The following WDR20 variants were observed in gnomAD, a reference collection of about 807,000 sequenced individuals.
The protein encoded by WDR20 is WD repeat domain 20, also known as WD repeat-containing protein 20.
A neutral mutation model predicts 38.7 loss-of-function variants in WDR20; 3 were observed. That is an observed-to-expected ratio of 0.08 (90% confidence interval 0.04 to 0.20). The LOEUF (loss-of-function observed/expected upper bound fraction) is 0.20, where lower values mean the gene tolerates loss of function less well. WDR20 is among the 10% of genes least tolerant of loss of function. The pLI is 1.00. For missense variants in WDR20, 559 were observed against 727.7 expected (o/e 0.77, Z 2.67); for synonymous variants, 298 against 285.6 (o/e 1.04, Z -0.44).
chr14:102,216,176 A>G (rs1002085058), downstream of WDR20, among the ~76,000 whole-genome samples: 4 of 152,198 alleles, frequency 2.6e-5, no homozygotes, highest in African/African-American at 7.2e-5. Flanking sequence ...GTGCTGAACT[A>G]TCTGCACTTT....
chr14:102,203,521 G>A (rs1443214578), intron 2 of WDR20, among the ~76,000 whole-genome samples: 2 of 152,102 alleles, frequency 1.3e-5, no homozygotes, highest in Non-Finnish European at 2.9e-5. Context: ...CACAGCCTGA[G>A]TCCCAGCTCA....
At chr14:102,164,920 CAATAAATT>C (rs2059457788) in intron 1 of WDR20, among the ~76,000 whole-genome samples, 1 of 152,130 alleles carries the variant, frequency 6.6e-6, no homozygotes, top group Non-Finnish European at 1.5e-5. Flanking sequence ...CTATTTATTG[CAATAAATT>C]AATACAGCAG....
At chr14:102,191,481 T>C (rs1000203485) in intron 1 of WDR20, 3 of 152,084 alleles carry the variant, frequency 2.0e-5, no homozygotes, top group Admixed American at 6.5e-5. Context: ...ACTCAGTGAT[T>C]AATGGAAAGA....
In WDR20 at chr14:102,209,689, A is replaced by G. The variant is rs1567075261; in HGVS notation, c.1519A>G (p.Lys507Glu). The change falls in exon 3 of 3, where the codon AAA becomes GAA. Residue 507 changes from lysine to glutamate, a missense_variant. Coordinates refer to ENST00000342702, the MANE Select transcript of WDR20 (RefSeq NM_144574.4). This position sits in a 1 kb window ranked among gnomAD's most constrained non-coding sequence, Gnocchi z 6.0. ...LVTKTKTDPA[K>E]TLGTPLCPRM... ...TACCAAAACCAAAACGGACCCTGCT[A>G]AAACTCTGGGAACGCCCCTGTGTCC... 1 of 1,614,180 alleles carries G rather than the reference A, an allele frequency of 6.2e-7. No homozygotes were observed. Among genetic ancestry groups the G allele is most frequent in the Non-Finnish European group, 8.5e-7 (1 of 1,180,036 alleles).
downstream of WDR20, among the ~76,000 whole-genome samples, chr14:102,215,947 G>T (rs2063168741): frequency 6.6e-6 from 1 of 152,188 alleles, no homozygotes; most frequent in Non-Finnish European, 1.5e-5. Context: ...GAGTGAGGGC[G>T]AGCTGGCCTC....
chr14:102,209,407 A>G lies in WDR20; in HGVS notation c.1237A>G (p.Ser413Gly). ...VMNATSPPAG[S>G]NGNSVTTPGN... ...GAATGCCACGAGTCCTCCTGCTGGA[A>G]GCAATGGGAACAGTGTTACAACACC... Residue 413 changes from serine (S) to glycine (G), a missense_variant, in exon 3 of 3, where the codon AGC (serine) becomes GGC (glycine). Ser to Gly is a moderately conservative substitution (Grantham distance 56). Coordinates refer to ENST00000342702, the MANE Select transcript of WDR20 (RefSeq NM_144574.4). The surrounding 1 kb of genome is among the most constrained non-coding windows in gnomAD (Gnocchi z 6.0). 2 of 1,614,178 alleles carry G rather than the reference A, an allele frequency of 1.2e-6. No individual in the cohort carries two copies. Among genetic ancestry groups the G allele is most frequent in the Non-Finnish European group, 1.7e-6 (2 of 1,180,034 alleles).
intron 1 of WDR20, among the ~76,000 whole-genome samples, chr14:102,187,728 C>G (rs1215705588): frequency 6.6e-6 from 1 of 152,102 alleles, no homozygotes; most frequent in African/African-American, 2.4e-5. Context: ...GAGACTGGCA[C>G]AGAGCTAGAG....
chr14:102,148,310 G>A lies in WDR20; in HGVS notation c.249+8138G>A, dbSNP rs75579306. 2.3e-3 allele frequency among the ~76,000 whole-genome samples: 347 copies of A among 152,126 alleles called. 12 individuals are homozygous for A. The East Asian group carries it at 0.055, about 24-fold the overall frequency. ...CTTAATCCCAGTATTTTAGGAGACC[G>A]AGGCAGGAGGATTGGTTGAGCCCCA... is the stretch of plus-strand genomic sequence containing the variant. On this transcript the variant is annotated intron_variant, in intron 1 of 2. Transcript: ENST00000342702.
Position 102,209,095 on chromosome 14 carries a change from G to A in WDR20, c.925G>A (p.Val309Ile). ...RGHGHKSWVSVVAFDPYTTSV... is the reference protein window; with the variant it reads ...RGHGHKSWVSIVAFDPYTTSV... Reference sequence around the variant, plus strand: ...CCACGGGCACAAGTCCTGGGTCAGTGTTGTAGCGTTTGACCCTTATACCAC... The same window carrying A: ...CCACGGGCACAAGTCCTGGGTCAGTATTGTAGCGTTTGACCCTTATACCAC... Residue 309 changes from valine to isoleucine, a missense_variant, in exon 3 of 3, where the codon GTT (valine) becomes ATT (isoleucine). By Grantham distance (29) the Val-to-Ile change is conservative (BLOSUM62 3). Transcript: ENST00000342702. The surrounding 1 kb of genome is among the most constrained non-coding windows in gnomAD (Gnocchi z 6.0). 2.5e-6 allele frequency: 4 copies of A among 1,614,162 alleles called. No homozygotes were observed. Among genetic ancestry groups the A allele is most frequent in the Non-Finnish European group, 3.4e-6 (4 of 1,180,042 alleles).
At chr14:102,165,302 T>G (rs954586145) in intron 1 of WDR20, among the ~76,000 whole-genome samples, 1 of 152,218 alleles carries the variant, frequency 6.6e-6, no homozygotes, top group Non-Finnish European at 1.5e-5. Context: ...CTTCACCCCT[T>G]CATTCATATT....
In WDR20 at chr14:102,178,319, G is replaced by A. The variant is rs146282192; in HGVS notation, c.250-16619G>A. 1.3e-3 allele frequency among the ~76,000 whole-genome samples: 197 copies of A among 151,858 alleles called. 1 individual carries two copies. Among genetic ancestry groups the A allele is most frequent in the African/African-American group, 4.5e-3 (188 of 41,428 alleles). On this transcript the variant is annotated intron_variant, in intron 1 of 2. Transcript: ENST00000342702. Reference sequence around the variant, plus strand: ...AGGCAGGAGAATTGCTTGAACCCCAGAGGCAGAGGTTGCAGTGAGCCAAGA... The same window carrying A: ...AGGCAGGAGAATTGCTTGAACCCCAAAGGCAGAGGTTGCAGTGAGCCAAGA...
At chr14:102,155,229 GATAATT>G (rs2057090151) in intron 1 of WDR20, among the ~76,000 whole-genome samples, 2 of 152,100 alleles carry the variant, frequency 1.3e-5, no homozygotes, top group South Asian at 4.1e-4. Context: ...GGATTAGTGA[GATAATT>G]ATATAAACAC....
chr14:102,156,128 A>G (rs1046368817), intron 1 of WDR20, among the ~76,000 whole-genome samples: 3 of 151,102 alleles, frequency 2.0e-5, no homozygotes, highest in African/African-American at 4.9e-5. Flanking sequence ...ATGTGTGTCA[A>G]ATATCATTTA....
chr14:102,149,755 T>A (rs1374499316), intron 1 of WDR20, among the ~76,000 whole-genome samples: 1 of 152,162 alleles, frequency 6.6e-6, no homozygotes, highest in African/African-American at 2.4e-5. Flanking sequence ...GTGCAGTGGC[T>A]CGATCTCAGC....
At chr14:102,155,322 A>G (rs1385133316) in intron 1 of WDR20, among the ~76,000 whole-genome samples, 1 of 152,228 alleles carries the variant, frequency 6.6e-6, no homozygotes, top group East Asian at 1.9e-4. Flanking sequence ...AAGGGCTGCA[A>G]CTGACTCATT....
intron 1 of WDR20, among the ~76,000 whole-genome samples, chr14:102,147,677 T>C (rs569915175): frequency 6.6e-6 from 1 of 152,180 alleles, no homozygotes; most frequent in African/African-American, 2.4e-5. Context: ...TGGTGGATTT[T>C]GTCACTGAGT....
intron 2 of WDR20, among the ~76,000 whole-genome samples, chr14:102,205,247 C>CGA (rs1176242778): frequency 6.8e-6 from 1 of 146,574 alleles, no homozygotes; most frequent in Non-Finnish European, 1.5e-5. Flanking sequence ...AGTGATGGAG[C>CGA]GAGACCCTGT....
At chr14:102,176,214 G>A (rs1208552502) in intron 1 of WDR20, among the ~76,000 whole-genome samples, 5 of 151,830 alleles carry the variant, frequency 3.3e-5, no homozygotes, top group Admixed American at 2.6e-4. Flanking sequence ...CTGACATGGT[G>A]AAGCCCCATC....
chr14:102,201,835 G>A (rs1341212824), intron 2 of WDR20, among the ~76,000 whole-genome samples: 1 of 152,186 alleles, frequency 6.6e-6, no homozygotes, highest in Admixed American at 6.5e-5. Flanking sequence ...CCTGTGGCCA[G>A]GCCAGCTGCT....
Sources: allele counts gnomAD v4.1 joint callset (sites outside exome capture counted in the v4.1 genomes callset), GRCh38; gene constraint gnomAD v4.1.1; non-coding constraint Gnocchi (gnomAD v3.1); transcripts MANE v1.5; gene names NCBI Gene and HGNC (gene_info 2026-07-23, HGNC 2026-07-21).